The following LUZP2 variants were observed in gnomAD, a reference collection of about 807,000 sequenced individuals.
LUZP2 encodes leucine zipper protein 2.
A neutral mutation model predicts 51.6 loss-of-function variants in LUZP2; 52 were observed. That is an observed-to-expected ratio of 1.01 (90% confidence interval 0.81 to 1.27). The LOEUF (loss-of-function observed/expected upper bound fraction) is 1.27. Among genes scored for constraint, LUZP2 ranks in the 50% most tolerant of loss-of-function variants. The pLI, the probability that LUZP2 is intolerant of heterozygous loss-of-function variation, is 0.00. For missense variants in LUZP2, 436 were observed against 395.4 expected (o/e 1.10, Z -0.87); for synonymous variants, 154 against 137.3 (o/e 1.12, Z -0.85).
intron 5 of LUZP2, among the ~76,000 whole-genome samples, chr11:24,903,472 C>G (rs1055431999): frequency 2.0e-5 from 3 of 152,082 alleles, no homozygotes; most frequent in Non-Finnish European, 2.9e-5. Flanking sequence ...AATAAAAAAC[C>G]CTGTTCAAAA....
intron 8 of LUZP2, among the ~76,000 whole-genome samples, chr11:24,978,609 T>C (rs1009282258): frequency 6.6e-6 from 1 of 151,772 alleles, no homozygotes; most frequent in Non-Finnish European, 1.5e-5. Flanking sequence ...CATCCTATGC[T>C]AGGTACAAGG....
At chr11:24,984,440 T>C (rs377004040) in intron 9 of LUZP2, among the ~76,000 whole-genome samples, 11 of 148,868 alleles carry the variant, frequency 7.4e-5, no homozygotes, top group African/African-American at 2.0e-4. Context: ...GTAATATTAA[T>C]GTTTCTCTTT....
intron 5 of LUZP2, among the ~76,000 whole-genome samples, chr11:24,769,546 T>G (rs535991444): frequency 4.0e-5 from 6 of 149,392 alleles, no homozygotes; most frequent in African/African-American, 1.5e-4. Context: ...AAAACAAAAA[T>G]AACTTAAAAA....
intron 1 of LUZP2, among the ~76,000 whole-genome samples, chr11:24,677,862 C>A (rs1716564485): frequency 1.3e-5 from 2 of 151,888 alleles, no homozygotes; most frequent in African/African-American, 2.4e-5. Context: ...ATGATGAAAC[C>A]CCGTCTCTAC....
chr11:24,881,060 G>A (rs1852451472), intron 5 of LUZP2, among the ~76,000 whole-genome samples: 1 of 152,018 alleles, frequency 6.6e-6, no homozygotes, highest in Admixed American at 6.6e-5. Context: ...TCAAGAACAG[G>A]GTTTGAAATT....
chr11:24,668,249 A>G (rs1482371249), intron 1 of LUZP2, among the ~76,000 whole-genome samples: 1 of 152,212 alleles, frequency 6.6e-6, no homozygotes, highest in Non-Finnish European at 1.5e-5. Context: ...AAATAAAACA[A>G]ACTAATCTCC....
At chr11:24,650,759 T>C (rs942862248) in intron 1 of LUZP2, among the ~76,000 whole-genome samples, 1 of 152,066 alleles carries the variant, frequency 6.6e-6, no homozygotes, top group African/African-American at 2.4e-5. Flanking sequence ...TTTTGACTCA[T>C]ATTTCTGTTC....
chr11:25,039,278 G>A (rs905264623), intron 9 of LUZP2, among the ~76,000 whole-genome samples: 1 of 152,056 alleles, frequency 6.6e-6, no homozygotes, highest in Non-Finnish European at 1.5e-5. Context: ...TGGGTACACT[G>A]GGGGATGCAA....
chr11:24,869,503 C>T (rs1851994065), intron 5 of LUZP2, among the ~76,000 whole-genome samples: 1 of 151,968 alleles, frequency 6.6e-6, no homozygotes, highest in African/African-American at 2.4e-5. Context: ...GTCGCCGAGG[C>T]TGGAGTGGAG....
intron 1 of LUZP2, among the ~76,000 whole-genome samples, chr11:24,670,614 C>A (rs1856374346): frequency 1.3e-5 from 2 of 151,930 alleles, no homozygotes; most frequent in Admixed American, 1.3e-4. Context: ...TATCTTGGGA[C>A]AGATTTTTAA....
At chr11:24,818,093 T>A (rs1157815641) in intron 5 of LUZP2, among the ~76,000 whole-genome samples, 6 of 152,072 alleles carry the variant, frequency 3.9e-5, no homozygotes, top group Admixed American at 6.6e-5. Context: ...TTGATTTTTT[T>A]AAAAACAACT....
chr11:25,023,282 CT>C (rs530013960), intron 9 of LUZP2, among the ~76,000 whole-genome samples: 10 of 150,914 alleles, frequency 6.6e-5, no homozygotes, highest in Admixed American at 1.3e-4. Context: ...TAATCCCGGA[CT>C]TTTTTTTTGG....
At chr11:24,832,687 A>T (rs1459428531) in intron 5 of LUZP2, among the ~76,000 whole-genome samples, 1 of 151,820 alleles carries the variant, frequency 6.6e-6, no homozygotes, top group African/African-American at 2.4e-5. Flanking sequence ...AGTTAGAAAT[A>T]AAAAAATTAG....
intron 1 of LUZP2, among the ~76,000 whole-genome samples, chr11:24,655,246 T>A (rs1855765580): frequency 6.6e-6 from 1 of 152,194 alleles, no homozygotes; most frequent in African/African-American, 2.4e-5. Flanking sequence ...TGGCAGTTTG[T>A]TAAAGATATG....
At chr11:24,533,516 T>C (rs1851077419) in intron 1 of LUZP2, among the ~76,000 whole-genome samples, 1 of 151,328 alleles carries the variant, frequency 6.6e-6, no homozygotes, top group Non-Finnish European at 1.5e-5. Context: ...TCAAACTGCT[T>C]TCTTAAATTT....
intron 1 of LUZP2, among the ~76,000 whole-genome samples, chr11:24,683,456 T>G (rs895741439): frequency 6.6e-6 from 1 of 152,232 alleles, no homozygotes; most frequent in Non-Finnish European, 1.5e-5. Flanking sequence ...AATTTCACTT[T>G]ATATTTCAAC....
intron 1 of LUZP2, among the ~76,000 whole-genome samples, chr11:24,577,390 GA>G (rs1364022772): frequency 6.6e-6 from 1 of 151,952 alleles, no homozygotes; most frequent in African/African-American, 2.4e-5. Flanking sequence ...CCAATTTCTA[GA>G]AAAAACAGTC....
At chr11:24,757,939 C>T (rs1859834923) in intron 4 of LUZP2, among the ~76,000 whole-genome samples, 2 of 152,014 alleles carry the variant, frequency 1.3e-5, no homozygotes, top group East Asian at 1.9e-4. Flanking sequence ...CATCTATTTC[C>T]CCAAATTCTG....
chr11:24,885,168 C>A (rs1461300267), intron 5 of LUZP2, among the ~76,000 whole-genome samples: 1 of 152,030 alleles, frequency 6.6e-6, no homozygotes, highest in Admixed American at 6.6e-5. Context: ...AACTTGCCTG[C>A]AGTCTACTAA....
Sources: allele counts gnomAD v4.1 joint callset (sites outside exome capture counted in the v4.1 genomes callset), GRCh38; gene constraint gnomAD v4.1.1; transcripts MANE v1.5; gene names NCBI Gene and HGNC (gene_info 2026-07-23, HGNC 2026-07-21).